Variants in DRG2 observed in about 807,000 individuals in gnomAD.
The protein encoded by DRG2 is developmentally regulated GTP binding protein 2.
Under a neutral mutation model 53.4 loss-of-function variants are expected in DRG2, and 36 were observed. The ratio of observed to expected loss-of-function variants is 0.67; its 90% CI spans 0.52 to 0.89. The LOEUF (loss-of-function observed/expected upper bound fraction) is 0.89. Ranked by LOEUF, DRG2 falls within the 40% of genes least tolerant of loss-of-function variation. DRG2 has a pLI of 0.00. For synonymous variants in DRG2, 167 were observed against 192.1 expected (o/e 0.87, Z 1.08); for missense variants, 342 against 481.2 (o/e 0.71, Z 2.71).
chr17:18,103,071 A>G lies in DRG2; in HGVS notation c.807-730A>G, dbSNP rs977269833. On this transcript the variant is annotated intron_variant, in intron 9 of 12. Transcript: ENST00000225729. This position sits in a 1 kb window ranked among gnomAD's most constrained non-coding sequence, Gnocchi z 4.4. ...CCATTTTGTGGTGGTTGTAGCCACC[A>G]CAAAGAGCAGTGTCAGTTCTACAGC... Among the ~76,000 whole-genome samples, 3 of 152,278 alleles carry G rather than the reference A, an allele frequency of 2.0e-5. No homozygotes were observed. The East Asian group carries it at 5.8e-4, about 29-fold the overall frequency.
rs539577394 is a variant in DRG2 at position 18,102,123 on chromosome 17, C to T, written c.806+126C>T. On this transcript the variant is annotated intron_variant, in intron 9 of 12. Coordinates refer to ENST00000225729, the MANE Select transcript of DRG2 (RefSeq NM_001388.5). ...AGCACAGCCTCCAGCAGCACACAGCCGTCACGGAGCCCAGGACTTCCTGCC... is the reference window on the plus strand; with the variant it reads ...AGCACAGCCTCCAGCAGCACACAGCTGTCACGGAGCCCAGGACTTCCTGCC... The T allele has an allele frequency of 9.4e-5, 92 of 977,618 alleles. 2 individuals are homozygous for T. Among genetic ancestry groups the T allele is most frequent in the South Asian group, 8.4e-4 (56 of 66,486 alleles). The allele number at this position is 977,618 out of a possible 1,614,324, so 60.6% of individuals were successfully genotyped here.
At position 18,100,159 on chromosome 17, in the gene DRG2, G is replaced by A. The variant is rs1397867550; in HGVS notation, c.468-204G>A. 3 of 624,726 alleles carry A rather than the reference G, an allele frequency of 4.8e-6. No homozygotes were observed. The African/African-American group carries it at 5.5e-5, about 11-fold the overall frequency. 38.7% of individuals were successfully genotyped at this position (624,726 alleles called of 1,614,324 possible). A position where few individuals can be genotyped will look rare whatever the true frequency, so the allele number is the denominator to read the frequency against. On this transcript the variant is annotated intron_variant, in intron 5 of 12. Transcript: ENST00000225729. This position sits in a 1 kb window ranked among gnomAD's most constrained non-coding sequence, Gnocchi z 4.1. ...CCTGTGCATGCCGACCGTAAACCGG[G>A]CCAGTCCCCTCTGGGACTGTGGCAG...
chr17:18,090,178 C>A (rs533431513), intron 1 of DRG2, among the ~76,000 whole-genome samples: 1 of 140,734 alleles, frequency 7.1e-6, no homozygotes, highest in African/African-American at 2.6e-5. Flanking sequence ...ACCTGACTGA[C>A]ACTGAATCCT....
rs778973562 is a variant in DRG2 at position 18,107,261 on chromosome 17, G to A, written c.*21G>A. 20 of 1,610,410 alleles carry A rather than the reference G, an allele frequency of 1.2e-5. No individual in the cohort carries two copies. Among genetic ancestry groups the A allele is most frequent in the South Asian group, 1.1e-4 (10 of 90,974 alleles). On this transcript the variant is annotated 3_prime_UTR_variant, in exon 13 of 13. Transcript: ENST00000225729. ...AGTAACGGCGCCTGCCGGGCCTCCC[G>A]CCCACCTGCCTCGTCTCCCTGGGGA... is the stretch of plus-strand genomic sequence containing the variant.
intron 1 of DRG2, among the ~76,000 whole-genome samples, chr17:18,092,526 G>T (rs898655130): frequency 2.0e-5 from 3 of 152,068 alleles, no homozygotes; most frequent in African/African-American, 4.8e-5. Flanking sequence ...GTAACATAGG[G>T]TCCTGGTTCT....
intron 2 of DRG2, chr17:18,097,486 C>G (rs1239730208): frequency 6.6e-6 from 1 of 152,354 alleles, no homozygotes; most frequent in Non-Finnish European, 1.5e-5. Context: ...GGTTTCTTCC[C>G]TCCCTGGGTC....
chr17:18,103,662 A>G lies in DRG2; in HGVS notation c.807-139A>G. 3 of 735,464 alleles carry G rather than the reference A, an allele frequency of 4.1e-6. No individual in the cohort carries two copies. The highest frequency in any genetic ancestry group is 7.1e-6 in the Non-Finnish European group (3 of 424,414). 45.6% of individuals were successfully genotyped at this position (735,464 alleles called of 1,614,324 possible). On this transcript the variant is annotated intron_variant, in intron 9 of 12. Coordinates refer to ENST00000225729, the MANE Select transcript of DRG2 (RefSeq NM_001388.5). The surrounding 1 kb of genome is among the most constrained non-coding windows in gnomAD (Gnocchi z 4.4). ...AGCAGAAACATCAGGCTGCCATCATAGTAATGGGCTTGTTTCCCTGTGGGT... is the reference window on the plus strand; with the variant it reads ...AGCAGAAACATCAGGCTGCCATCATGGTAATGGGCTTGTTTCCCTGTGGGT...
Position 18,099,648 on chromosome 17 carries a change from G to A in DRG2, c.392G>A (p.Arg131Gln), listed in dbSNP as rs1268950451. The change falls in exon 5 of 13, where the codon CGG becomes CAG. Residue 131 changes from arginine to glutamine, a missense_variant. Physicochemically the swap from Arg to Gln is conservative, Grantham distance 43 (BLOSUM62 1). Transcript: ENST00000225729. This position sits in a 1 kb window ranked among gnomAD's most constrained non-coding sequence, Gnocchi z 4.4. ...ACCCATCCAGGAAAAGGCCGTGGCCGGCAGGTGATCGCTGTGGCGCGCACG... is the reference window on the plus strand; with the variant it reads ...ACCCATCCAGGAAAAGGCCGTGGCCAGCAGGTGATCGCTGTGGCGCGCACG... ...EGAAQGKGRG[R>Q]QVIAVARTAD... 9 of 1,605,882 alleles carry A rather than the reference G, an allele frequency of 5.6e-6. No homozygotes were observed. Among genetic ancestry groups the A allele is most frequent in the Admixed American group, 3.4e-5 (2 of 58,656 alleles).
At chr17:18,092,661 A>G (rs2045353762) in intron 1 of DRG2, among the ~76,000 whole-genome samples, 1 of 152,230 alleles carries the variant, frequency 6.6e-6, no homozygotes, top group South Asian at 2.1e-4. Context: ...CCCTAATAGT[A>G]ATATAAAGGA....
rs766491254 is a variant in DRG2 at position 18,099,574 on chromosome 17, G to T, written c.377-59G>T. ...AAAGGACAGGAGTCCAGGGCGCCGT[G>T]GGCTGGGTAGCAGTCACATGGGTCC... On this transcript the variant is annotated intron_variant, in intron 4 of 12. Coordinates refer to ENST00000225729, the MANE Select transcript of DRG2 (RefSeq NM_001388.5). The surrounding 1 kb of genome is among the most constrained non-coding windows in gnomAD (Gnocchi z 4.4). 3.9e-5 allele frequency: 60 copies of T among 1,543,382 alleles called. No homozygotes were observed. The highest frequency in any genetic ancestry group is 4.3e-5 in the Non-Finnish European group (49 of 1,137,890).
chr17:18,093,741 T>C (rs910193777), intron 1 of DRG2, 72 bp from the exon 2 acceptor site: 2 of 1,542,556 alleles, frequency 1.3e-6, no homozygotes, highest in Non-Finnish European at 8.8e-7. Flanking sequence ...CTTGGCGACA[T>C]GTGGGCCCTG....
At position 18,090,385 on chromosome 17, in the gene DRG2, TATATATATATATATA is replaced by T. The variant is rs1567597972; in HGVS notation, c.64+2299_64+2313del. Reference sequence around the variant, plus strand: ...GGGCTAATTTATATATATATATATATATATATATATATATATATATATTTTTTTTTTTTTTTTTTT... The same window carrying T: ...GGGCTAATTTATATATATATATATATTATATATTTTTTTTTTTTTTTTTTT... On this transcript the variant is annotated intron_variant, in intron 1 of 12. Coordinates refer to ENST00000225729, the MANE Select transcript of DRG2 (RefSeq NM_001388.5). Among the ~76,000 whole-genome samples, 27 of 22,146 alleles carry T rather than the reference TATATATATATATATA, an allele frequency of 1.2e-3. 2 individuals are homozygous for T. The highest frequency in any genetic ancestry group is 1.9e-3 in the African/African-American group (9 of 4,828). The allele number at this position is 22,146 out of a possible 152,430, so 14.5% of individuals were successfully genotyped here.
intron 2 of DRG2, chr17:18,095,541 T>G (rs925881617): frequency 6.6e-6 from 1 of 151,756 alleles, no homozygotes; most frequent in Admixed American, 6.6e-5. Flanking sequence ...ATTACAGGCA[T>G]GCACCACCCC....
intron 1 of DRG2, among the ~76,000 whole-genome samples, chr17:18,090,377 T>TATATATAG (rs2045297756): frequency 9.9e-5 from 1 of 10,120 alleles, no homozygotes; most frequent in Non-Finnish European, 1.6e-4. Context: ...TTTATATATA[T>TATATATAG]ATATATATAT....
In DRG2 at chr17:18,103,918, C is replaced by T; in HGVS notation, c.895+29C>T. The T allele has an allele frequency of 6.8e-6, 11 of 1,607,446 alleles. No individual in the cohort carries two copies. The highest frequency in any genetic ancestry group is 2.2e-5 in the East Asian group (1 of 44,868). ...AGTTGCACTGCGCGTAGCTGAAAAACAGGCTGAGCTTCATCCCTAGAAGGC... is the reference window on the plus strand; with the variant it reads ...AGTTGCACTGCGCGTAGCTGAAAAATAGGCTGAGCTTCATCCCTAGAAGGC... On this transcript the variant is annotated intron_variant, in intron 10 of 12. Coordinates refer to ENST00000225729, the MANE Select transcript of DRG2 (RefSeq NM_001388.5). The surrounding 1 kb of genome is among the most constrained non-coding windows in gnomAD (Gnocchi z 4.4).
intron 1 of DRG2, 31 bp from the exon 2 acceptor site, chr17:18,093,782 C>T: frequency 6.2e-7 from 1 of 1,605,780 alleles, no homozygotes; most frequent in South Asian, 1.1e-5. Flanking sequence ...ACCCTGGCCA[C>T]TCATCTTCTG....
Position 18,103,806 on chromosome 17 carries a change from G to A in DRG2, c.812G>A (p.Gly271Asp). Reference sequence around the variant, plus strand: ...GGCCGCCTCCCTCTTTGCAGCTGCGGCATGAAGCTGAACCTGGACTATCTG... The same window carrying A: ...GGCCGCCTCCCTCTTTGCAGCTGCGACATGAAGCTGAACCTGGACTATCTG... ...RKPNSVVISC[G>D]MKLNLDYLLE... Residue 271 changes from glycine to aspartate, a missense_variant, in exon 10 of 13, where the codon GGC becomes GAC. Gly to Asp is a moderately conservative substitution (Grantham distance 94). Coordinates refer to ENST00000225729, the MANE Select transcript of DRG2 (RefSeq NM_001388.5). This position sits in a 1 kb window ranked among gnomAD's most constrained non-coding sequence, Gnocchi z 4.4. 1 of 1,614,100 alleles carries A rather than the reference G, an allele frequency of 6.2e-7. No homozygotes were observed. The highest frequency in any genetic ancestry group is 8.5e-7 in the Non-Finnish European group (1 of 1,180,022).
rs543140150 is a variant in DRG2 at position 18,100,601 on chromosome 17, G to A, written c.573G>A (p.Ser191=). 2.3e-5 allele frequency: 37 copies of A among 1,614,142 alleles called. No homozygotes were observed. Among genetic ancestry groups the A allele is most frequent in the Admixed American group, 8.3e-5 (5 of 60,024 alleles). The change falls in exon 7 of 13, where the codon TCG becomes TCA. Residue 191 remains serine, a synonymous_variant. Coordinates refer to ENST00000225729, the MANE Select transcript of DRG2 (RefSeq NM_001388.5). This position sits in a 1 kb window ranked among gnomAD's most constrained non-coding sequence, Gnocchi z 4.1. ...PKKGGGISFN[S]TVTLTQCSEK... ...AAGGTGGTGGCATCTCCTTTAACTCGACAGTCACGCTGACCCAGTGCTCGG... is the reference window on the plus strand; with the variant it reads ...AAGGTGGTGGCATCTCCTTTAACTCAACAGTCACGCTGACCCAGTGCTCGG...
chr17:18,093,565 G>T (rs951240448), intron 1 of DRG2, among the ~76,000 whole-genome samples: 7 of 152,244 alleles, frequency 4.6e-5, no homozygotes, highest in Admixed American at 3.9e-4. Flanking sequence ...TGATCCACCC[G>T]CCTCGGCCTC....
Sources: gnomAD v4.1 joint callset for allele counts (sites outside exome capture counted in the v4.1 genomes callset) on GRCh38, gnomAD v4.1.1 for gene constraint, Gnocchi (gnomAD v3.1) non-coding constraint, MANE v1.5 for transcripts, NCBI Gene and HGNC (gene_info 2026-07-23, HGNC 2026-07-21) for gene names.